Variants in KPNA5 observed in about 807,000 individuals in gnomAD.
KPNA5 encodes the protein importin subunit alpha-6.
Under a neutral mutation model 71.3 loss-of-function variants are expected in KPNA5, and 46 were observed. The observed-to-expected ratio is 0.65, with a 90% CI of 0.51 to 0.83. The LOEUF (loss-of-function observed/expected upper bound fraction) is 0.83, where lower values mean the gene tolerates loss of function less well. Among genes scored for constraint, KPNA5 ranks in the 40% least tolerant of loss-of-function variants. The pLI, the probability that KPNA5 is intolerant of heterozygous loss-of-function variation, is 0.00. For synonymous variants in KPNA5, 207 were observed against 201.4 expected (o/e 1.03, Z -0.24); for missense variants, 547 against 628.3 (o/e 0.87, Z 1.38).
intron 8 of KPNA5, among the ~76,000 whole-genome samples, chr6:116,717,689 GA>G (rs1264657078): frequency 1.3e-5 from 2 of 152,312 alleles, no homozygotes; most frequent in Non-Finnish European, 1.5e-5. Context: ...AGCAGGCACT[GA>G]GGTGAAGTGC....
At chr6:116,681,581 C>T in intron 1 of KPNA5, 1 of 1,229,352 alleles carries the variant, frequency 8.1e-7, no homozygotes, top group Non-Finnish European at 1.0e-6. Flanking sequence ...AGCAGGTCCT[C>T]TGGAGTGATG....
chr6:116,717,311 TC>T (rs1760922228), intron 8 of KPNA5, among the ~76,000 whole-genome samples: 1 of 152,160 alleles, frequency 6.6e-6, no homozygotes, highest in Admixed American at 6.6e-5. Flanking sequence ...GTTTTAGGAA[TC>T]CCCCAGGGGT....
chr6:116,716,178 G>A, intron 7 of KPNA5, 41 bp from the exon 8 acceptor site: 1 of 1,450,798 alleles, frequency 6.9e-7, no homozygotes, highest in Non-Finnish European at 9.6e-7. Flanking sequence ...GAGGAAAAAT[G>A]AATGTAAGGT....
intron 7 of KPNA5, among the ~76,000 whole-genome samples, chr6:116,712,305 A>G (rs1278339118): frequency 6.6e-6 from 1 of 152,214 alleles, no homozygotes; most frequent in Admixed American, 6.5e-5. Flanking sequence ...TTTGTCTCTG[A>G]AAACAATTTT....
At chr6:116,701,831 G>A (rs1392545279) in intron 5 of KPNA5, among the ~76,000 whole-genome samples, 188 bp from the exon 6 acceptor site, 2 of 152,014 alleles carry the variant, frequency 1.3e-5, no homozygotes, top group Admixed American at 1.3e-4. Context: ...TCTGTAATCA[G>A]TGATCTTTGA....
At position 116,729,657 on chromosome 6, in the gene KPNA5, A is replaced by C. The variant is rs1779413111; in HGVS notation, c.1348A>C (p.Asn450His). The change falls in exon 13 of 14, where the codon AAT becomes CAT. Residue 450 changes from asparagine to histidine, a missense_variant. Transcript: ENST00000368564. ...CCAAGTGGCTTTAAATGGACTTGAA[A>C]ATATTTTACGTCTTGGAGAACAAGA... ...IVQVALNGLE[N>H]ILRLGEQESK... 1 of 1,611,042 alleles carries C rather than the reference A, an allele frequency of 6.2e-7. No homozygotes were observed.
chr6:116,721,518 G>C (rs6568964), intron 8 of KPNA5, among the ~76,000 whole-genome samples: 1 of 151,720 alleles, frequency 6.6e-6, no homozygotes, highest in Non-Finnish European at 1.5e-5. Flanking sequence ...TAAAAAAACA[G>C]CTTTAAGGAA....
chr6:116,705,168 C>G lies in KPNA5; in HGVS notation c.656+8C>G. ...ACTTCCACCTCTTTTAGAGTAAGTA[C>G]TTTATCACAATTAAGTATATATCAA... On this transcript the variant is annotated splice_region_variant and intron_variant, in intron 7 of 13. Coordinates refer to ENST00000368564, the MANE Select transcript of KPNA5 (RefSeq NM_001366306.2). The G allele has an allele frequency of 6.3e-7, 1 of 1,578,214 alleles. No homozygotes were observed. The highest frequency in any genetic ancestry group is 8.7e-7 in the Non-Finnish European group (1 of 1,150,496).
chr6:116,723,591 G>C (rs1440420251), intron 9 of KPNA5, among the ~76,000 whole-genome samples: 1 of 152,106 alleles, frequency 6.6e-6, no homozygotes, highest in Non-Finnish European at 1.5e-5. Context: ...ACCTGGGACA[G>C]TTTGTGCTTT....
chr6:116,729,770 A>G (rs760515837), intron 13 of KPNA5, 29 bp downstream of exon 13: 34 of 1,382,714 alleles, frequency 2.5e-5, no homozygotes, highest in Non-Finnish European at 3.1e-5. Context: ...ATTTGCAATT[A>G]TAGTCAGTTC....
intron 6 of KPNA5, among the ~76,000 whole-genome samples, chr6:116,703,950 A>G (rs1778335417): frequency 6.6e-6 from 1 of 152,184 alleles, no homozygotes; most frequent in African/African-American, 2.4e-5. Flanking sequence ...CATGGAGTCT[A>G]TTTACACAAA....
chr6:116,715,319 G>T (rs1778845868), intron 7 of KPNA5, among the ~76,000 whole-genome samples: 2 of 151,686 alleles, frequency 1.3e-5, no homozygotes, highest in Admixed American at 1.3e-4. Context: ...GTCTCAAGGG[G>T]GTCCACAACT....
chr6:116,695,107 C>A (rs767754158), intron 4 of KPNA5, among the ~76,000 whole-genome samples: 4 of 152,022 alleles, frequency 2.6e-5, no homozygotes, highest in Non-Finnish European at 5.9e-5. Context: ...TGCATCACCA[C>A]GCCCAGCTAA....
At chr6:116,723,613 C>G (rs917107574) in intron 9 of KPNA5, among the ~76,000 whole-genome samples, 3 of 152,044 alleles carry the variant, frequency 2.0e-5, no homozygotes, top group Admixed American at 1.3e-4. Context: ...AAATAAATTG[C>G]ATTAATGTAT....
intron 4 of KPNA5, among the ~76,000 whole-genome samples, chr6:116,695,811 G>A (rs920678144): frequency 6.6e-6 from 1 of 151,974 alleles, no homozygotes; most frequent in Non-Finnish European, 1.5e-5. Context: ...TGTTTTTTAA[G>A]TATATTCCTT....
At chr6:116,685,904 T>C (rs1455772441) in intron 1 of KPNA5, among the ~76,000 whole-genome samples, 1 of 152,186 alleles carries the variant, frequency 6.6e-6, no homozygotes, top group Non-Finnish European at 1.5e-5. Flanking sequence ...ATTTGTTTTT[T>C]GACTTTTTTT....
intron 7 of KPNA5, among the ~76,000 whole-genome samples, chr6:116,707,031 G>T (rs1439254222): frequency 6.6e-6 from 1 of 151,902 alleles, no homozygotes; most frequent in Admixed American, 6.6e-5. Flanking sequence ...AGGCGTGGTG[G>T]CAGGCGCCTG....
At chr6:116,703,193 A>G (rs1657169550) in intron 6 of KPNA5, among the ~76,000 whole-genome samples, 3 of 151,846 alleles carry the variant, frequency 2.0e-5, no homozygotes, top group African/African-American at 7.3e-5. Context: ...GAATATCATT[A>G]TATGTCATCA....
At chr6:116,695,001 A>T (rs1380134251) in intron 4 of KPNA5, among the ~76,000 whole-genome samples, 1 of 151,842 alleles carries the variant, frequency 6.6e-6, no homozygotes, top group African/African-American at 2.4e-5. Flanking sequence ...CCCAGACTGG[A>T]GTGCAATAGC....
Sources: gnomAD v4.1 joint callset for allele counts (sites outside exome capture counted in the v4.1 genomes callset) on GRCh38, gnomAD v4.1.1 for gene constraint, MANE v1.5 for transcripts, NCBI Gene and HGNC (gene_info 2026-07-23, HGNC 2026-07-21) for gene names.